The following MRC2 variants were observed in gnomAD, a reference collection of about 807,000 sequenced individuals.
MRC2 encodes the protein mannose receptor C-type 2.
A neutral mutation model predicts 206.2 loss-of-function variants in MRC2; 84 were observed. That is an observed-to-expected ratio of 0.41 (90% confidence interval 0.34 to 0.49). The LOEUF is 0.49. Ranked by LOEUF, MRC2 falls within the 20% of genes least tolerant of loss-of-function variation. The probability of loss-of-function intolerance (pLI) is 0.31; values close to 1 mark genes in which losing one functional copy is unlikely to be tolerated. For synonymous variants in MRC2, 798 were observed against 800.0 expected, an observed-to-expected ratio of 1.00 and a Z score of 0.04; for missense variants, 1,676 against 2,001.5, an observed-to-expected ratio of 0.84 and a Z score of 3.10.
At chr17:62,677,816 T>C (rs554478872) in intron 12 of MRC2, among the ~76,000 whole-genome samples, 6 of 152,020 alleles carry the variant, frequency 3.9e-5, no homozygotes, top group African/African-American at 9.6e-5. Flanking sequence ...CTTTGGGAGG[T>C]CAAGGCGGGT....
Position 62,680,803 on chromosome 17 carries a change from G to C in MRC2, c.2477G>C (p.Arg826Pro). The C allele has an allele frequency of 6.2e-7, 1 of 1,609,332 alleles. No homozygotes were observed. The highest frequency in any genetic ancestry group is 8.5e-7 in the Non-Finnish European group (1 of 1,178,156). Residue 826 changes from arginine to proline, a missense_variant, in exon 17 of 30, where the codon CGA becomes CCA. Arg to Pro is a moderately radical substitution (Grantham distance 103). Transcript: ENST00000303375. This position sits in a 1 kb window ranked among gnomAD's most constrained non-coding sequence, Gnocchi z 4.8. ...VREPDDSPQG[R>P]REWLRFQEAE... ...CACGCCCGCGCTGCTCCTGCAGGCC[G>C]ACGGGAATGGCTGCGCTTCCAGGAG...
At position 62,641,147 on chromosome 17, in the gene MRC2, T is replaced by C. The variant is rs187326347; in HGVS notation, c.118+13227T>C. Reference sequence around the variant, plus strand: ...TAAGTCACTGTGCCTGGCCTGTAGGTGCAATTTTTAAGTTCATTAAGAGAA... The same window carrying C: ...TAAGTCACTGTGCCTGGCCTGTAGGCGCAATTTTTAAGTTCATTAAGAGAA... On this transcript the variant is annotated intron_variant, in intron 1 of 29. Coordinates refer to ENST00000303375, the MANE Select transcript of MRC2 (RefSeq NM_006039.5). 2.2e-4 allele frequency among the ~76,000 whole-genome samples: 33 copies of C among 151,218 alleles called. 1 individual carries two copies. The East Asian group carries it at 6.3e-3, about 29-fold the overall frequency.
At chr17:62,669,155 C>T (rs1359526585) in intron 6 of MRC2, among the ~76,000 whole-genome samples, 1 of 151,652 alleles carries the variant, frequency 6.6e-6, no homozygotes, top group Non-Finnish European at 1.5e-5. Context: ...AAAGAGTTTA[C>T]AGAGCAAAAC....
chr17:62,692,181 C>T lies in MRC2; in HGVS notation c.4219+43C>T. ...CCCCCAGGTGGGCAGGCAGGAAGCA[C>T]TGCTGGGCCTAACGCCCACTTGGCC... On this transcript the variant is annotated intron_variant, in intron 29 of 29. Coordinates refer to ENST00000303375, the MANE Select transcript of MRC2 (RefSeq NM_006039.5). This position sits in a 1 kb window ranked among gnomAD's most constrained non-coding sequence, Gnocchi z 4.2. 1 of 1,614,060 alleles carries T rather than the reference C, an allele frequency of 6.2e-7. No homozygotes were observed. The highest frequency in any genetic ancestry group is 8.5e-7 in the Non-Finnish European group (1 of 1,180,014).
Position 62,691,061 on chromosome 17 carries a change from C to T in MRC2, c.4125C>T (p.Asn1375=), listed in dbSNP as rs2089104812. The T allele has an allele frequency of 6.2e-7, 1 of 1,609,968 alleles. No homozygotes were observed. The highest frequency in any genetic ancestry group is 8.5e-7 in the Non-Finnish European group (1 of 1,179,016). The change falls in exon 28 of 30, where the codon AAC becomes AAT. Residue 1375 remains asparagine, a synonymous_variant. Coordinates refer to ENST00000303375, the MANE Select transcript of MRC2 (RefSeq NM_006039.5). ...SHNSCYWIQS[N]SGLWRPGACT... ...ACAGCTGCTACTGGATTCAGAGCAACAGCGGGCTATGGCGCCCCGGCGCTT... is the reference window on the plus strand; with the variant it reads ...ACAGCTGCTACTGGATTCAGAGCAATAGCGGGCTATGGCGCCCCGGCGCTT...
intron 1 of MRC2, among the ~76,000 whole-genome samples, chr17:62,632,383 C>T (rs9911536): frequency 0.13 from 19,067 of 152,172 alleles, 2,461 homozygotes; most frequent in African/African-American, 0.33. Flanking sequence ...ACTCTCACAG[C>T]GCAGACCCTT....
chr17:62,633,066 A>C (rs2088265747), intron 1 of MRC2, among the ~76,000 whole-genome samples: 1 of 152,218 alleles, frequency 6.6e-6, no homozygotes, highest in Admixed American at 6.5e-5. Context: ...TTCATTTATA[A>C]GATGGGAAAA....
In MRC2 at chr17:62,682,348, C is replaced by T. The variant is rs905996132; in HGVS notation, c.2917C>T (p.Pro973Ser). 2.5e-6 allele frequency: 4 copies of T among 1,606,542 alleles called. No homozygotes were observed. Among genetic ancestry groups the T allele is most frequent in the Admixed American group, 3.4e-5 (2 of 58,308 alleles). Residue 973 changes from proline to serine, a missense_variant, in exon 20 of 30, where the codon CCC (proline) becomes TCC (serine). This residue lies in a region of MRC2 where 1,354 missense variants were observed against 1,636.6 expected (regional missense o/e 0.83). Coordinates refer to ENST00000303375, the MANE Select transcript of MRC2 (RefSeq NM_006039.5). ...DLPTTALGGC[P>S]SDWIQFLNKC... The stretch of plus-strand genomic sequence containing the variant: ...GCCAACTACAGCCCTGGGGGGCTGC[C>T]CCTCTGACTGGATCCAGTTCCTCAA...
At chr17:62,636,131 G>A (rs2088315038) in intron 1 of MRC2, among the ~76,000 whole-genome samples, 1 of 151,128 alleles carries the variant, frequency 6.6e-6, no homozygotes, top group Non-Finnish European at 1.5e-5. Context: ...GTGCGTGCCT[G>A]TAGTCTCAGC....
At chr17:62,636,308 G>A (rs1168625946) in intron 1 of MRC2, among the ~76,000 whole-genome samples, 1 of 150,938 alleles carries the variant, frequency 6.6e-6, no homozygotes, top group Non-Finnish European at 1.5e-5. Context: ...CCATACACAA[G>A]TAAGTGCAAA....
Position 62,648,277 on chromosome 17 carries a change from G to A in MRC2, c.119-16271G>A, listed in dbSNP as rs532531160. 1.2e-3 allele frequency among the ~76,000 whole-genome samples: 187 copies of A among 152,332 alleles called. 6 individuals are homozygous for A. In the South Asian group the frequency reaches 0.036, roughly 30 times the overall value. On this transcript the variant is annotated intron_variant, in intron 1 of 29. Coordinates refer to ENST00000303375, the MANE Select transcript of MRC2 (RefSeq NM_006039.5). Reference sequence around the variant, plus strand: ...AAATAAGCTGGGTGTGATGGCACACGCCTGTAATCCCAGCTACTCAGGAGG... The same window carrying A: ...AAATAAGCTGGGTGTGATGGCACACACCTGTAATCCCAGCTACTCAGGAGG...
At chr17:62,690,128 G>C (rs769003604) in intron 25 of MRC2, 28 bp from the exon 26 acceptor site, 9 of 1,588,666 alleles carry the variant, frequency 5.7e-6, no homozygotes, top group Non-Finnish European at 6.9e-6. Context: ...AGGGTGCTGA[G>C]CCACTTCTTA....
chr17:62,657,461 T>C (rs1035337706), intron 1 of MRC2, among the ~76,000 whole-genome samples: 3 of 152,194 alleles, frequency 2.0e-5, no homozygotes, highest in African/African-American at 7.2e-5. Flanking sequence ...GAGCCACAGC[T>C]TGATGCGTAG....
At chr17:62,650,633 T>C (rs578128930) in intron 1 of MRC2, among the ~76,000 whole-genome samples, 47 of 152,318 alleles carry the variant, frequency 3.1e-4, no homozygotes, top group Admixed American at 1.6e-3. Flanking sequence ...TCCTCATCTG[T>C]CAAGTGCAGA....
At chr17:62,690,616 C>T in intron 26 of MRC2, 26 bp from the exon 27 acceptor site, 1 of 1,578,224 alleles carries the variant, frequency 6.3e-7, no homozygotes, top group East Asian at 2.2e-5. Context: ...CCCATCCGCC[C>T]TGACGTGGGC....
intron 23 of MRC2, 32 bp downstream of exon 23, chr17:62,688,992 G>T (rs1568072169): frequency 1.3e-6 from 2 of 1,567,026 alleles, no homozygotes; most frequent in Middle Eastern, 1.7e-4. Context: ...GGAAACCCCA[G>T]TGGGGCCCTG....
In MRC2 at chr17:62,666,757, G is replaced by C. The variant is rs751494028; in HGVS notation, c.860G>C (p.Gly287Ala). The change falls in exon 5 of 30, where the codon GGC (glycine) becomes GCC (alanine). Residue 287 changes from glycine to alanine, a missense_variant and splice_region_variant. Gly to Ala is a moderately conservative substitution (Grantham distance 60, BLOSUM62 0). Transcript: ENST00000303375. This position sits in a 1 kb window ranked among gnomAD's most constrained non-coding sequence, Gnocchi z 5.0. Reference protein sequence around the residue: ...TEIHEQTYINGLLTGYSSTLW... With the variant: ...TEIHEQTYINALLTGYSSTLW... ...GTTCAGTGTCCCTCCTTGCTGTCAG[G>C]CCTCCTCACTGGGTACAGCTCCACC... 1 of 1,613,360 alleles carries C rather than the reference G, an allele frequency of 6.2e-7. No individual in the cohort carries two copies. The highest frequency in any genetic ancestry group is 8.5e-7 in the Non-Finnish European group (1 of 1,179,736).
At chr17:62,629,855 C>T (rs1292962286) in intron 1 of MRC2, among the ~76,000 whole-genome samples, 2 of 152,160 alleles carry the variant, frequency 1.3e-5, no homozygotes, top group African/African-American at 4.8e-5. Flanking sequence ...CTGCTGGGGG[C>T]GAGGCTTATG....
In MRC2 at chr17:62,656,233, G is replaced by A. The variant is rs889996580; in HGVS notation, c.119-8315G>A. Among the ~76,000 whole-genome samples the A allele has an allele frequency of 3.3e-5, 5 of 152,088 alleles. No homozygotes were observed. The South Asian group carries it at 1.0e-3, about 32-fold the overall frequency. On this transcript the variant is annotated intron_variant, in intron 1 of 29. Transcript: ENST00000303375. ...CGCTAATTTTTGTACTTTTAGTAGA[G>A]ATGGAGTTTCACCATGTTGGCCAGG...
Sources: allele counts gnomAD v4.1 joint callset (sites outside exome capture counted in the v4.1 genomes callset), GRCh38; gene constraint gnomAD v4.1.1; regional missense constraint gnomAD v4.1.1; non-coding constraint Gnocchi (gnomAD v3.1); transcripts MANE v1.5; gene names NCBI Gene and HGNC (gene_info 2026-07-23, HGNC 2026-07-21).